Variants in GALNT17 observed in about 807,000 individuals in gnomAD.
The protein encoded by GALNT17 is UDP-GalNAc:polypeptide N-acetylgalactosaminyltransferase-like 3.
A neutral mutation model predicts 63.7 loss-of-function variants in GALNT17; 29 were observed. That is an observed-to-expected ratio of 0.46 (90% CI 0.34 to 0.62). The LOEUF is 0.62. Ranked by LOEUF, GALNT17 falls within the 20% of genes least tolerant of loss-of-function variation. GALNT17 has a pLI of 0.01. For missense variants in GALNT17, 603 were observed against 799.6 expected (o/e 0.75, Z 2.97); for synonymous variants, 305 against 318.3 (o/e 0.96, Z 0.45).
intron 2 of GALNT17, among the ~76,000 whole-genome samples, chr7:71,349,353 A>AG (rs1792151388): frequency 6.6e-6 from 1 of 152,188 alleles, no homozygotes; most frequent in Non-Finnish European, 1.5e-5. Flanking sequence ...CTGTGCAGGG[A>AG]GAAAGGCTCA....
At chr7:71,711,424 T>C (rs1043519343) in intron 10 of GALNT17, among the ~76,000 whole-genome samples, 1 of 152,078 alleles carries the variant, frequency 6.6e-6, no homozygotes, top group Non-Finnish European at 1.5e-5. Context: ...AGAATTTTGG[T>C]GGAATTGATT....
At chr7:71,257,462 C>T (rs1790309294) in intron 1 of GALNT17, among the ~76,000 whole-genome samples, 1 of 152,134 alleles carries the variant, frequency 6.6e-6, no homozygotes, top group Non-Finnish European at 1.5e-5. Flanking sequence ...CCCTCCACTG[C>T]TCATTTATCA....
intron 1 of GALNT17, among the ~76,000 whole-genome samples, chr7:71,326,797 A>G (rs1791713169): frequency 6.6e-6 from 1 of 152,130 alleles, no homozygotes; most frequent in Non-Finnish European, 1.5e-5. Flanking sequence ...TTATCACCCT[A>G]GAAACACTTA....
Position 71,552,720 on chromosome 7 carries a change from G to C in GALNT17, c.963-18565G>C, listed in dbSNP as rs143298969. Reference sequence around the variant, plus strand: ...GCCTCCCAAAGTGCTGGGATTACAGGAGTGAGCCACTGTGCCCGGCCCACC... The same window carrying C: ...GCCTCCCAAAGTGCTGGGATTACAGCAGTGAGCCACTGTGCCCGGCCCACC... On this transcript the variant is annotated intron_variant, in intron 5 of 10. Transcript: ENST00000333538. Among the ~76,000 whole-genome samples, 25 of 152,200 alleles carry C rather than the reference G, an allele frequency of 1.6e-4. No homozygotes were observed. The East Asian group carries it at 4.6e-3, about 28-fold the overall frequency.
intron 5 of GALNT17, among the ~76,000 whole-genome samples, chr7:71,431,893 G>T (rs1786873680): frequency 6.7e-6 from 1 of 150,046 alleles, no homozygotes; most frequent in Non-Finnish European, 1.5e-5. Flanking sequence ...AAAATCAACA[G>T]GCTGGGCATG....
At chr7:71,534,137 G>A (rs1788763501) in intron 5 of GALNT17, among the ~76,000 whole-genome samples, 1 of 152,122 alleles carries the variant, frequency 6.6e-6, no homozygotes, top group Admixed American at 6.5e-5. Context: ...ACATACTCAA[G>A]ACTGGGTAAT....
At chr7:71,529,849 A>T (rs115733346) in intron 5 of GALNT17, among the ~76,000 whole-genome samples, 1,829 of 152,306 alleles carry the variant, frequency 0.012, 45 homozygotes, top group African/African-American at 0.043. Context: ...TTGCTAAGCT[A>T]ATTGTTCAAT....
intron 5 of GALNT17, among the ~76,000 whole-genome samples, chr7:71,561,897 T>A (rs1432452130): frequency 6.6e-6 from 1 of 152,012 alleles, no homozygotes; most frequent in Non-Finnish European, 1.5e-5. Flanking sequence ...TTCTGGTACA[T>A]TCTGGAGATA....
intron 1 of GALNT17, among the ~76,000 whole-genome samples, chr7:71,234,686 C>T (rs1034740423): frequency 1.6e-4 from 25 of 152,196 alleles, no homozygotes; most frequent in Non-Finnish European, 1.3e-4. Flanking sequence ...TGCTTTCATC[C>T]GTGGTCATAA....
chr7:71,402,516 A>C (rs1209648880), intron 3 of GALNT17, among the ~76,000 whole-genome samples: 1 of 152,206 alleles, frequency 6.6e-6, no homozygotes. Flanking sequence ...TGAATGCTAC[A>C]GTTATTTTGG....
chr7:71,523,617 C>T (rs1288865293), intron 5 of GALNT17, among the ~76,000 whole-genome samples: 5 of 151,532 alleles, frequency 3.3e-5, no homozygotes, highest in African/African-American at 2.4e-5. Flanking sequence ...TAGTGGGGTG[C>T]GGTGGCCCCC....
chr7:71,566,953 G>A (rs1313652182), intron 5 of GALNT17, among the ~76,000 whole-genome samples: 1 of 152,100 alleles, frequency 6.6e-6, no homozygotes, highest in Non-Finnish European at 1.5e-5. Context: ...TGTGCATGGA[G>A]CCCCTCAGGA....
intron 2 of GALNT17, among the ~76,000 whole-genome samples, chr7:71,348,570 T>C (rs1425091097): frequency 6.6e-6 from 1 of 152,180 alleles, no homozygotes; most frequent in Non-Finnish European, 1.5e-5. Context: ...CTGTCACCTG[T>C]TTATAACCCC....
chr7:71,396,496 G>A (rs1793142215), intron 3 of GALNT17, among the ~76,000 whole-genome samples: 1 of 152,090 alleles, frequency 6.6e-6, no homozygotes, highest in Non-Finnish European at 1.5e-5. Flanking sequence ...CTTATGGCAT[G>A]ATCACACTGT....
At chr7:71,548,887 G>A (rs1341762267) in intron 5 of GALNT17, among the ~76,000 whole-genome samples, 1 of 152,194 alleles carries the variant, frequency 6.6e-6, no homozygotes, top group East Asian at 1.9e-4. Flanking sequence ...ACATCTCCAT[G>A]TCATTATCAA....
intron 2 of GALNT17, among the ~76,000 whole-genome samples, chr7:71,353,091 G>T (rs922045286): frequency 1.3e-5 from 2 of 151,500 alleles, no homozygotes; most frequent in Non-Finnish European, 2.9e-5. Context: ...GCTTTGGGGG[G>T]TGGGGGTCAA....
intron 6 of GALNT17, among the ~76,000 whole-genome samples, chr7:71,608,004 C>G (rs1790071496): frequency 6.6e-6 from 1 of 152,300 alleles, no homozygotes; most frequent in South Asian, 2.1e-4. Flanking sequence ...GAATGACTCT[C>G]TAGAGCAGTT....
At chr7:71,150,562 G>A (rs1788111425) in intron 1 of GALNT17, among the ~76,000 whole-genome samples, 1 of 149,856 alleles carries the variant, frequency 6.7e-6, no homozygotes. Flanking sequence ...CCAGGCTGGA[G>A]TGCAGTGGTG....
chr7:71,217,150 T>A (rs1333357650), intron 1 of GALNT17, among the ~76,000 whole-genome samples: 1 of 149,234 alleles, frequency 6.7e-6, no homozygotes, highest in Non-Finnish European at 1.5e-5. Flanking sequence ...GTTTTGTTTT[T>A]TTTTTTTTTT....
Sources: gnomAD v4.1 joint callset for allele counts (sites outside exome capture counted in the v4.1 genomes callset) on GRCh38, gnomAD v4.1.1 for gene constraint, MANE v1.5 for transcripts, NCBI Gene and HGNC (gene_info 2026-07-23, HGNC 2026-07-21) for gene names.